Variants in COBL observed in about 807,000 individuals in gnomAD.
COBL encodes the protein cordon-bleu WH2 repeat protein, also known as protein cordon-bleu.
A neutral mutation model predicts 98.8 loss-of-function variants in COBL; 51 were observed. The ratio of observed to expected loss-of-function variants is 0.52; its 90% CI spans 0.41 to 0.65. The LOEUF is 0.65. Among genes scored for constraint, COBL ranks in the 30% least tolerant of loss-of-function variants. COBL has a pLI of 0.00. For synonymous variants in COBL, 634 were observed against 651.7 expected (o/e 0.97, Z 0.41); for missense variants, 1,617 against 1,617.5 (o/e 1.00, Z 0.01).
At chr7:51,059,381 C>CA (rs1791092910) in intron 7 of COBL, among the ~76,000 whole-genome samples, 1 of 152,104 alleles carries the variant, frequency 6.6e-6, no homozygotes, top group African/African-American at 2.4e-5. Flanking sequence ...CTGCGGTTTC[C>CA]AAAAACCTAA....
chr7:51,026,968 T>G (rs1787637477), intron 10 of COBL, among the ~76,000 whole-genome samples: 1 of 152,176 alleles, frequency 6.6e-6, no homozygotes, highest in Admixed American at 6.5e-5. Flanking sequence ...ACCCTGTCTA[T>G]GAGAAGGCAC....
At chr7:51,295,474 C>T (rs939969364) in intron 1 of COBL, among the ~76,000 whole-genome samples, 2 of 152,078 alleles carry the variant, frequency 1.3e-5, no homozygotes, top group African/African-American at 4.8e-5. Context: ...TAACTGGGAC[C>T]AATGAAATAA....
At chr7:51,214,001 C>G (rs1030858804) in intron 2 of COBL, among the ~76,000 whole-genome samples, 4 of 152,110 alleles carry the variant, frequency 2.6e-5, no homozygotes, top group African/African-American at 9.7e-5. Context: ...CACGGTGGCT[C>G]ACGCCTGTAA....
At chr7:51,296,467 ATTCTT>A (rs1285203625) in intron 1 of COBL, among the ~76,000 whole-genome samples, 1 of 151,880 alleles carries the variant, frequency 6.6e-6, no homozygotes, top group Non-Finnish European at 1.5e-5. Context: ...TTCTTCTTCT[ATTCTT>A]TTGTTTTTGG....
rs561472249 is a variant in COBL at position 51,172,125 on chromosome 7, G to A, written c.783+11977C>T. ...CAGAGTTTAGCAGCTGAGAGCTATA[G>A]GGTTGGAAAACAGGACTGAGTAGCT... On this transcript the variant is annotated intron_variant, in intron 5 of 12. Transcript: ENST00000265136. 3.9e-5 allele frequency among the ~76,000 whole-genome samples: 6 copies of A among 152,344 alleles called. No individual in the cohort carries two copies. In the South Asian group the frequency reaches 1.0e-3, roughly 26 times the overall value.
chr7:51,184,838 C>A lies in COBL; in HGVS notation c.686-639G>T, dbSNP rs527860654. Among the ~76,000 whole-genome samples the A allele has an allele frequency of 1.5e-3, 231 of 152,260 alleles. 1 individual carries two copies. The highest frequency in any genetic ancestry group is 3.7e-3 in the African/African-American group (154 of 41,548). On this transcript the variant is annotated intron_variant, in intron 4 of 12. Coordinates refer to ENST00000265136, the MANE Select transcript of COBL (RefSeq NM_015198.5). ...TGCTTTAAGAATTATGAGTGAGGTA[C>A]AAACTTTAACTAAATGAAATAAATC...
In COBL at chr7:51,285,095, T is replaced by C. The variant is rs537996310; in HGVS notation, c.41+31498A>G. ...CTAAGTAGCTGGGAAAACAGGAGCG[T>C]GCCAGCACACCTGGCTAATTTTTGT... On this transcript the variant is annotated intron_variant, in intron 1 of 12. Coordinates refer to ENST00000265136, the MANE Select transcript of COBL (RefSeq NM_015198.5). Among the ~76,000 whole-genome samples the C allele has an allele frequency of 3.5e-3, 526 of 152,048 alleles. 1 individual carries two copies. Among genetic ancestry groups the C allele is most frequent in the Non-Finnish European group, 4.9e-3 (336 of 68,004 alleles).
At chr7:51,283,632 G>T (rs149452429) in intron 1 of COBL, among the ~76,000 whole-genome samples, 6 of 151,876 alleles carry the variant, frequency 4.0e-5, no homozygotes, top group African/African-American at 1.5e-4. Context: ...TTACATGTGC[G>T]CACCACCACG....
chr7:51,159,435 G>A (rs769247302), intron 5 of COBL, among the ~76,000 whole-genome samples: 3 of 152,218 alleles, frequency 2.0e-5, no homozygotes, highest in Admixed American at 6.5e-5. Flanking sequence ...AGACAGGAAA[G>A]GATACCGAGG....
intron 1 of COBL, among the ~76,000 whole-genome samples, chr7:51,258,347 G>T (rs1417442747): frequency 6.6e-6 from 1 of 152,120 alleles, no homozygotes; most frequent in African/African-American, 2.4e-5. Context: ...ATCACTGCAG[G>T]AGTCTTAGGG....
intron 6 of COBL, among the ~76,000 whole-genome samples, chr7:51,134,780 C>T (rs1799071417): frequency 6.6e-6 from 1 of 152,100 alleles, no homozygotes. Context: ...ATTAATGAGA[C>T]ACACTGCAGA....
chr7:51,226,005 C>A (rs1486065997), intron 1 of COBL, among the ~76,000 whole-genome samples: 1 of 152,208 alleles, frequency 6.6e-6, no homozygotes, highest in Non-Finnish European at 1.5e-5. Context: ...CTTTCCCAGA[C>A]CCTGAGTTCA....
At chr7:51,066,123 A>G (rs535118068) in intron 7 of COBL, among the ~76,000 whole-genome samples, 2 of 152,274 alleles carry the variant, frequency 1.3e-5, no homozygotes, top group South Asian at 4.2e-4. Context: ...ATATTAAAGT[A>G]ATTGAAGTCC....
chr7:51,036,994 T>C (rs968867608), intron 8 of COBL, among the ~76,000 whole-genome samples: 4 of 152,188 alleles, frequency 2.6e-5, no homozygotes, highest in Non-Finnish European at 5.9e-5. Flanking sequence ...TCAGTGCTAG[T>C]TCCACTGTTC....
chr7:51,172,981 G>T (rs889498210), intron 5 of COBL, among the ~76,000 whole-genome samples: 1 of 151,790 alleles, frequency 6.6e-6, no homozygotes, highest in Middle Eastern at 3.2e-3. Context: ...TAGAGACAGG[G>T]TTTCACCATG....
chr7:51,180,240 T>C lies in COBL; in HGVS notation c.783+3862A>G, dbSNP rs1199009126. On this transcript the variant is annotated intron_variant, in intron 5 of 12. Coordinates refer to ENST00000265136, the MANE Select transcript of COBL (RefSeq NM_015198.5). ...GTTTGAAGGGCTGAAGTTGACTTTA[T>C]AGCCAGTGGACTTAGAAAATGGCTG... 2.0e-5 allele frequency among the ~76,000 whole-genome samples: 3 copies of C among 152,246 alleles called. No individual in the cohort carries two copies. In the East Asian group the frequency reaches 5.8e-4, roughly 29 times the overall value.
chr7:51,191,705 A>G (rs943244314), intron 3 of COBL, among the ~76,000 whole-genome samples: 1 of 152,186 alleles, frequency 6.6e-6, no homozygotes. Context: ...GGCATATATA[A>G]TAATCAGGAA....
At chr7:51,296,960 G>C (rs980321166) in intron 1 of COBL, among the ~76,000 whole-genome samples, 2 of 152,090 alleles carry the variant, frequency 1.3e-5, no homozygotes, top group Admixed American at 1.3e-4. Flanking sequence ...TTGATGGCTG[G>C]GTGTAATACT....
intron 5 of COBL, among the ~76,000 whole-genome samples, chr7:51,162,274 C>T (rs2129035777): frequency 6.6e-6 from 1 of 152,326 alleles, no homozygotes; most frequent in African/African-American, 2.4e-5. Flanking sequence ...GCCCAGTTTA[C>T]AGCCTGAGGC....
Sources: gnomAD v4.1 joint callset for allele counts (sites outside exome capture counted in the v4.1 genomes callset) on GRCh38, gnomAD v4.1.1 for gene constraint, MANE v1.5 for transcripts, NCBI Gene and HGNC (gene_info 2026-07-23, HGNC 2026-07-21) for gene names.